FRMD3: variants seen among roughly 807,000 people sequenced by gnomAD.
The protein encoded by FRMD3 is FERM domain containing 3.
Under a neutral mutation model 70.2 loss-of-function variants are expected in FRMD3, and 33 were observed. The ratio of observed to expected loss-of-function variants is 0.47; its 90% CI spans 0.36 to 0.63. The LOEUF (loss-of-function observed/expected upper bound fraction) is 0.63, where lower values mean the gene tolerates loss of function less well. FRMD3 is among the 20% of genes least tolerant of loss of function. The probability of loss-of-function intolerance (pLI) is 0.00; values close to 1 mark genes in which losing one functional copy is unlikely to be tolerated. For missense variants in FRMD3, 632 were observed against 711.4 expected (o/e 0.89, Z 1.27); for synonymous variants, 279 against 255.9 (o/e 1.09, Z -0.86).
chr9:83,576,443 T>C, the FRMD3 span, among the ~76,000 whole-genome samples: 1 of 152,162 alleles, frequency 6.6e-6, no homozygotes, highest in South Asian at 2.1e-4. Flanking sequence ...ATCATACTTT[T>C]TGTTAACTTT....
intron 1 of FRMD3, among the ~76,000 whole-genome samples, chr9:83,411,209 A>C (rs992807229): frequency 6.6e-6 from 1 of 152,220 alleles, no homozygotes; most frequent in Non-Finnish European, 1.5e-5. Context: ...ATTTGGGAGT[A>C]GATAAGTTGG....
At chr9:83,480,421 T>A (rs1367745213) in intron 1 of FRMD3, among the ~76,000 whole-genome samples, 1 of 151,832 alleles carries the variant, frequency 6.6e-6, no homozygotes. Context: ...AATAAAAATA[T>A]ATAAATAAAA....
At chr9:83,481,568 T>C (rs1828567589) in intron 1 of FRMD3, among the ~76,000 whole-genome samples, 1 of 152,216 alleles carries the variant, frequency 6.6e-6, no homozygotes, top group Non-Finnish European at 1.5e-5. Flanking sequence ...AAGAGGGTAC[T>C]ACTCACATTC....
the FRMD3 span, among the ~76,000 whole-genome samples, chr9:83,564,046 T>C: frequency 6.6e-6 from 1 of 152,174 alleles, no homozygotes; most frequent in Non-Finnish European, 1.5e-5. Flanking sequence ...GTTGCCATGA[T>C]ATTTAAAGGA....
chr9:83,502,586 T>C (rs114637678), intron 1 of FRMD3, among the ~76,000 whole-genome samples: 1,675 of 152,122 alleles, frequency 0.011, 35 homozygotes, highest in African/African-American at 0.039. Context: ...TCAAGTGAGG[T>C]GTTCCAGAAG....
chr9:83,335,219 A>G (rs546547590), intron 6 of FRMD3, among the ~76,000 whole-genome samples: 26 of 152,364 alleles, frequency 1.7e-4, no homozygotes, highest in African/African-American at 6.0e-4. Flanking sequence ...TTTACCTTAG[A>G]TTCCACTTTC....
In FRMD3 at chr9:83,290,212, A is replaced by C. The variant is rs370177592; in HGVS notation, c.1195+391T>G. On this transcript the variant is annotated intron_variant, in intron 13 of 13. Transcript: ENST00000304195. The stretch of plus-strand genomic sequence containing the variant: ...CTCAGTGTCCAATATGGCAGCCACC[A>C]GCCACATGTGGCTATTGAGCACTGA... Among the ~76,000 whole-genome samples the C allele has an allele frequency of 2.4e-4, 36 of 152,368 alleles. No homozygotes were observed. In the South Asian group the frequency reaches 7.5e-3, roughly 32 times the overall value.
chr9:83,264,339 C>G (rs186761655), intron 13 of FRMD3, among the ~76,000 whole-genome samples: 2 of 152,296 alleles, frequency 1.3e-5, no homozygotes, highest in African/African-American at 4.8e-5. Flanking sequence ...GAACACAGAA[C>G]TTTTAGGGCA....
chr9:83,479,851 C>T (rs933530587), intron 1 of FRMD3, among the ~76,000 whole-genome samples: 4 of 151,194 alleles, frequency 2.6e-5, no homozygotes, highest in Admixed American at 2.6e-4. Context: ...AAGCTAATCG[C>T]AATCAGTAGT....
At chr9:83,501,834 G>A (rs939224064) in intron 1 of FRMD3, among the ~76,000 whole-genome samples, 1 of 152,312 alleles carries the variant, frequency 6.6e-6, no homozygotes, top group South Asian at 2.1e-4. Flanking sequence ...ATCTGATTAA[G>A]TGACTCCATG....
At chr9:83,549,799 G>GT in the FRMD3 span, among the ~76,000 whole-genome samples, 3 of 151,424 alleles carry the variant, frequency 2.0e-5, no homozygotes, top group South Asian at 6.3e-4. Context: ...AATAGGGTTG[G>GT]TTTTTTTTCT....
chr9:83,522,525 G>A (rs1476718008), intron 1 of FRMD3, among the ~76,000 whole-genome samples: 1 of 150,524 alleles, frequency 6.6e-6, no homozygotes, highest in Non-Finnish European at 1.5e-5. Flanking sequence ...AAATAAATAA[G>A]GAGAAAGAAA....
rs1564032822 is a variant in FRMD3, at chr9:83,357,270, TATATATATATA to T, written c.296-7524_296-7514del. On this transcript the variant is annotated intron_variant, in intron 3 of 13. Transcript: ENST00000304195. The stretch of plus-strand genomic sequence containing the variant: ...ACATATATATATATATATATATATA[TATATATATATA>T]TATATATATATATATAAAACATTTT... Among the ~76,000 whole-genome samples the T allele has an allele frequency of 3.3e-4, 21 of 64,496 alleles. 1 individual carries two copies. The highest frequency in any genetic ancestry group is 1.9e-3 in the African/African-American group (21 of 11,066). The allele number at this position is 64,496 out of a possible 152,430, so 42.3% of individuals were successfully genotyped here.
At chr9:83,409,946 C>T (rs1003023498) in intron 1 of FRMD3, among the ~76,000 whole-genome samples, 3 of 152,178 alleles carry the variant, frequency 2.0e-5, no homozygotes, top group African/African-American at 7.2e-5. Context: ...AAGTGTGAAA[C>T]TGATGGACAG....
At chr9:83,540,197 A>T (rs1165142829), upstream of FRMD3, among the ~76,000 whole-genome samples, 1 of 152,126 alleles carries the variant, frequency 6.6e-6, no homozygotes, top group Non-Finnish European at 1.5e-5. Context: ...CAAGTTGAAA[A>T]CTGGATCATC....
In FRMD3 at chr9:83,461,665, C is replaced by CTTTTTTTTTT. The variant is rs200147815; in HGVS notation, c.148-71967_148-71958dup. Among the ~76,000 whole-genome samples, 2 of 70,694 alleles carry CTTTTTTTTTT rather than the reference C, an allele frequency of 2.8e-5. 1 individual carries two copies. Among genetic ancestry groups the CTTTTTTTTTT allele is most frequent in the East Asian group, 7.5e-4 (2 of 2,678 alleles). 46.4% of individuals were successfully genotyped at this position (70,694 alleles called of 152,430 possible). On this transcript the variant is annotated intron_variant, in intron 1 of 13. Coordinates refer to ENST00000304195, the MANE Select transcript of FRMD3 (RefSeq NM_174938.6). ...AATCTTAATTCCTTCAGGAATTTCC[C>CTTTTTTTTTT]TTTTTTTTTTTTTTTTTTTTTTTTT...
At chr9:83,533,285 A>T (rs1829826006) in intron 1 of FRMD3, among the ~76,000 whole-genome samples, 1 of 152,200 alleles carries the variant, frequency 6.6e-6, no homozygotes, top group African/African-American at 2.4e-5. Context: ...AATACTCAGT[A>T]ACACAATAAC....
At position 83,245,409 on chromosome 9, in the gene FRMD3, T is replaced by C. The variant is rs941509441; in HGVS notation, c.*2509A>G. ...ATGCCGAGCAAATGGCATTTCAAGATTCCAGTTTAACTTTTGATGGCTGTT... is the reference window on the plus strand; with the variant it reads ...ATGCCGAGCAAATGGCATTTCAAGACTCCAGTTTAACTTTTGATGGCTGTT... On this transcript the variant is annotated 3_prime_UTR_variant, in exon 14 of 14. Transcript: ENST00000304195. 5 of 985,334 alleles carry C rather than the reference T, an allele frequency of 5.1e-6. No homozygotes were observed. The African/African-American group carries it at 7.0e-5, about 14-fold the overall frequency. 61.0% of individuals were successfully genotyped at this position (985,334 alleles called of 1,614,324 possible). A position where few individuals can be genotyped will look rare whatever the true frequency, so the allele number is the denominator to read the frequency against.
At chr9:83,398,323 C>T (rs773353082) in intron 1 of FRMD3, among the ~76,000 whole-genome samples, 29 of 152,196 alleles carry the variant, frequency 1.9e-4, no homozygotes, top group Non-Finnish European at 2.2e-4. Flanking sequence ...TTAGATATTA[C>T]GCTGTGATAT....
Sources: allele counts gnomAD v4.1 joint callset (sites outside exome capture counted in the v4.1 genomes callset), GRCh38; gene constraint gnomAD v4.1.1; transcripts MANE v1.5; gene names NCBI Gene and HGNC (gene_info 2026-07-23, HGNC 2026-07-21).